The following CNTLN variants were observed in gnomAD, a reference collection of about 807,000 sequenced individuals.
The protein encoded by CNTLN is centlein.
Under a neutral mutation model 180.0 loss-of-function variants are expected in CNTLN, and 212 were observed. That is an observed-to-expected ratio of 1.18 (90% CI 1.05 to 1.32). The LOEUF is 1.32. Ranked by LOEUF, CNTLN falls within the 40% of genes most tolerant of loss-of-function variation. The pLI is 0.00. For missense variants in CNTLN, 2,095 were observed against 1,610.9 expected (o/e 1.30, Z -5.14); for synonymous variants, 722 against 563.1 (o/e 1.28, Z -3.99).
At chr9:17,248,559 A>C (rs1825942485) in intron 5 of CNTLN, among the ~76,000 whole-genome samples, 1 of 147,868 alleles carries the variant, frequency 6.8e-6, no homozygotes, top group Non-Finnish European at 1.5e-5. Flanking sequence ...ATAATTTATT[A>C]TATAAATATA....
chr9:17,167,076 A>G, intron 2 of CNTLN: 1 of 204,608 alleles, frequency 4.9e-6, no homozygotes, highest in Non-Finnish European at 1.1e-5. Context: ...ATACTTTTTG[A>G]GAATTTTAGA....
At chr9:17,318,850 A>ATTCATCCATCCTTTAT (rs1819712534) in intron 8 of CNTLN, among the ~76,000 whole-genome samples, 6 of 4,210 alleles carry the variant, frequency 1.4e-3, no homozygotes, top group Non-Finnish European at 2.6e-3. Flanking sequence ...CCATCCATCC[A>ATTCATCCATCCTTTAT]TCCATCCATC....
chr9:17,331,929 G>A (rs3780258), intron 9 of CNTLN, among the ~76,000 whole-genome samples: 86,734 of 151,742 alleles, frequency 0.57, 25,233 homozygotes, highest in East Asian at 0.73. Context: ...TAAAAGTCAA[G>A]AAAAAGAGAG....
chr9:17,152,272 T>C (rs1450289980), intron 2 of CNTLN, among the ~76,000 whole-genome samples: 1 of 152,212 alleles, frequency 6.6e-6, no homozygotes, highest in African/African-American at 2.4e-5. Context: ...ATTTTAGATC[T>C]TTCCTGCTTT....
At chr9:17,415,373 C>G (rs1207911202) in intron 16 of CNTLN, among the ~76,000 whole-genome samples, 2 of 152,132 alleles carry the variant, frequency 1.3e-5, no homozygotes, top group African/African-American at 2.4e-5. Flanking sequence ...TAATTATTCA[C>G]ATTTTACTTT....
chr9:17,277,748 T>C (rs537607971), intron 6 of CNTLN, among the ~76,000 whole-genome samples: 94 of 152,162 alleles, frequency 6.2e-4, no homozygotes, highest in African/African-American at 2.3e-3. Flanking sequence ...TATTAGGAAA[T>C]AAGAATTTAC....
At chr9:17,482,512 T>TCC (rs896772531) in intron 23 of CNTLN, among the ~76,000 whole-genome samples, 3 of 152,160 alleles carry the variant, frequency 2.0e-5, no homozygotes, top group African/African-American at 7.2e-5. Context: ...TTCCAAAATG[T>TCC]CAACGTGCTC....
At chr9:17,199,846 G>C (rs1252584179) in intron 2 of CNTLN, among the ~76,000 whole-genome samples, 1 of 152,108 alleles carries the variant, frequency 6.6e-6, no homozygotes, top group African/African-American at 2.4e-5. Context: ...AGTTTAATTA[G>C]ATCCCATTTG....
chr9:17,335,596 CCTGTTTT>C (rs1279211820), intron 10 of CNTLN, among the ~76,000 whole-genome samples: 1 of 151,998 alleles, frequency 6.6e-6, no homozygotes, highest in Admixed American at 6.6e-5. Flanking sequence ...TACATTTTTT[CCTGTTTT>C]CTATTTCCTA....
Position 17,394,433 on chromosome 9 carries a change from C to T in CNTLN, c.2080-101C>T. ...TTAAGTACTTTATATTTATTTTGTC[C>T]TTGTGCTAAATGTGATTTTTATTTC... On this transcript the variant is annotated intron_variant, in intron 14 of 25. Transcript: ENST00000380647. The T allele has an allele frequency of 7.4e-6, 7 of 942,064 alleles. No individual in the cohort carries two copies. In the South Asian group the frequency reaches 8.3e-5, roughly 11 times the overall value. 58.4% of individuals were successfully genotyped at this position (942,064 alleles called of 1,614,324 possible). A position where few individuals can be genotyped will look rare whatever the true frequency, so the allele number is the denominator to read the frequency against.
At chr9:17,264,179 C>T in intron 5 of CNTLN, among the ~76,000 whole-genome samples, 1 of 143,750 alleles carries the variant, frequency 7.0e-6, no homozygotes, top group Non-Finnish European at 1.5e-5. Context: ...GGTTTTAGGT[C>T]TAACATTTAA....
intron 13 of CNTLN, among the ~76,000 whole-genome samples, chr9:17,380,674 A>G (rs907560954): frequency 2.0e-5 from 3 of 152,232 alleles, no homozygotes; most frequent in African/African-American, 7.2e-5. Context: ...TTACTGAGTC[A>G]CAAGTGCATG....
At chr9:17,403,867 G>A (rs572392407) in intron 15 of CNTLN, among the ~76,000 whole-genome samples, 8 of 151,732 alleles carry the variant, frequency 5.3e-5, no homozygotes, top group East Asian at 1.9e-4. Context: ...CCTCTGCTTC[G>A]CGGGTTCAAG....
At chr9:17,166,255 G>C (rs1820062946) in intron 2 of CNTLN, among the ~76,000 whole-genome samples, 1 of 152,086 alleles carries the variant, frequency 6.6e-6, no homozygotes, top group East Asian at 1.9e-4. Context: ...AACAATAAAT[G>C]ATTGTCAAAA....
chr9:17,326,124 T>C (rs1057254786), intron 8 of CNTLN, among the ~76,000 whole-genome samples: 3 of 152,128 alleles, frequency 2.0e-5, no homozygotes, highest in African/African-American at 7.2e-5. Context: ...TGAGTCAGTG[T>C]GAAAAATAAA....
At chr9:17,417,445 C>A (rs1049679407) in intron 18 of CNTLN, among the ~76,000 whole-genome samples, 1 of 151,900 alleles carries the variant, frequency 6.6e-6, no homozygotes, top group Non-Finnish European at 1.5e-5. Flanking sequence ...CATGAAAGAA[C>A]ATTTTTTAAA....
chr9:17,495,532 C>G (rs1833407050), intron 25 of CNTLN, among the ~76,000 whole-genome samples: 1 of 151,972 alleles, frequency 6.6e-6, no homozygotes, highest in African/African-American at 2.4e-5. Context: ...TACAGCTGTA[C>G]AGTATGTTTA....
chr9:17,447,065 C>T (rs934601572), intron 18 of CNTLN: 19 of 178,258 alleles, frequency 1.1e-4, no homozygotes, highest in South Asian at 3.9e-4. Context: ...ATCTCTCATC[C>T]GCATTTACTC....
At chr9:17,340,729 C>A in intron 10 of CNTLN, 98 bp from the exon 11 acceptor site, 1 of 1,017,452 alleles carries the variant, frequency 9.8e-7, no homozygotes, top group Non-Finnish European at 1.3e-6. Context: ...ACACTATTTT[C>A]TTTCAAATTT....
Sources: gnomAD v4.1 joint callset for allele counts (sites outside exome capture counted in the v4.1 genomes callset) on GRCh38, gnomAD v4.1.1 for gene constraint, MANE v1.5 for transcripts, NCBI Gene and HGNC (gene_info 2026-07-23, HGNC 2026-07-21) for gene names.